Variants in PCDH15 observed in about 807,000 individuals in gnomAD.
The protein encoded by PCDH15 is protocadherin-15.
PCDH15 carries 129 observed loss-of-function variants against 178.5 expected under a neutral mutation model. That is an observed-to-expected ratio of 0.72 (90% CI 0.63 to 0.84). The LOEUF (loss-of-function observed/expected upper bound fraction) is 0.84. Ranked by LOEUF, PCDH15 falls within the 40% of genes least tolerant of loss-of-function variation. The probability of loss-of-function intolerance (pLI) is 0.00; values close to 1 mark genes in which losing one functional copy is unlikely to be tolerated. For missense variants in PCDH15, 2,230 were observed against 2,099.9 expected (o/e 1.06, Z -1.21); for synonymous variants, 800 against 732.0 (o/e 1.09, Z -1.50).
intron 2 of PCDH15, among the ~76,000 whole-genome samples, chr10:55,022,097 T>C (rs543745433): frequency 6.6e-6 from 1 of 152,188 alleles, no homozygotes; most frequent in Non-Finnish European, 1.5e-5. Flanking sequence ...ATAGGAGGAA[T>C]AATTTTCAAA....
At chr10:55,105,539 A>G (rs953940139) in intron 2 of PCDH15, among the ~76,000 whole-genome samples, 2 of 152,072 alleles carry the variant, frequency 1.3e-5, no homozygotes, top group Non-Finnish European at 2.9e-5. Flanking sequence ...TAAGCCCGAT[A>G]TTTTACGTTT....
intron 2 of PCDH15, among the ~76,000 whole-genome samples, chr10:55,395,859 CAT>C (rs1837915351): frequency 6.6e-6 from 1 of 151,694 alleles, no homozygotes; most frequent in African/African-American, 2.4e-5. Context: ...AAAAACCAAA[CAT>C]AAAATATAAA....
At chr10:55,294,322 T>G (rs762089337) in intron 1 of PCDH15, among the ~76,000 whole-genome samples, 12 of 152,218 alleles carry the variant, frequency 7.9e-5, no homozygotes, top group Non-Finnish European at 1.8e-4. Context: ...TCAATTCTTA[T>G]TAATGCTCTG....
chr10:53,966,826 T>C (rs1333534649), intron 21 of PCDH15, among the ~76,000 whole-genome samples: 1 of 151,516 alleles, frequency 6.6e-6, no homozygotes, highest in Non-Finnish European at 1.5e-5. Flanking sequence ...TAAAATAATA[T>C]AGTAAATGAG....
chr10:54,989,387 T>G (rs1591822235), intron 2 of PCDH15, among the ~76,000 whole-genome samples: 1 of 152,158 alleles, frequency 6.6e-6, no homozygotes, highest in South Asian at 2.1e-4. Context: ...ACTGTGTGCC[T>G]GGAAAAACCA....
intron 1 of PCDH15, among the ~76,000 whole-genome samples, chr10:55,262,971 C>A (rs529451521): frequency 7.9e-5 from 12 of 152,272 alleles, no homozygotes; most frequent in Non-Finnish European, 7.3e-5. Flanking sequence ...CCACAGCCTG[C>A]CCATCTGCAT....
intron 26 of PCDH15, among the ~76,000 whole-genome samples, chr10:53,879,597 GC>G (rs1378261831): frequency 2.6e-5 from 4 of 152,068 alleles, no homozygotes; most frequent in Non-Finnish European, 2.9e-5. Flanking sequence ...TTAAGTATAG[GC>G]ATTTTTGGTA....
At chr10:55,026,284 A>T (rs991343345) in intron 2 of PCDH15, among the ~76,000 whole-genome samples, 6 of 152,016 alleles carry the variant, frequency 3.9e-5, no homozygotes, top group Non-Finnish European at 7.4e-5. Flanking sequence ...TTAGGTACCA[A>T]TATTTATCAA....
chr10:54,800,137 C>G lies in PCDH15; in HGVS notation c.-29+788G>C, dbSNP rs1458514766. On this transcript the variant is annotated intron_variant, in intron 1 of 37. Transcript: ENST00000644397. ...CATACGTGCTACAAGTCCATCAAATCGATGGCCATCTGTGTGTACTAGAGA... is the reference window on the plus strand; with the variant it reads ...CATACGTGCTACAAGTCCATCAAATGGATGGCCATCTGTGTGTACTAGAGA... Among the ~76,000 whole-genome samples, 3 of 152,090 alleles carry G rather than the reference C, an allele frequency of 2.0e-5. No individual in the cohort carries two copies. The East Asian group carries it at 5.8e-4, about 29-fold the overall frequency.
At chr10:54,905,522 T>A (rs1351919030) in intron 2 of PCDH15, among the ~76,000 whole-genome samples, 1 of 152,142 alleles carries the variant, frequency 6.6e-6, no homozygotes, top group African/African-American at 2.4e-5. Flanking sequence ...AATTATTTGA[T>A]CTCTTTATCA....
At chr10:55,532,238 T>C (rs1230956233) in intron 2 of PCDH15, among the ~76,000 whole-genome samples, 3 of 152,012 alleles carry the variant, frequency 2.0e-5, no homozygotes, top group Non-Finnish European at 4.4e-5. Context: ...CGGGAAACAG[T>C]CTCTTGAGGG....
chr10:54,140,981 C>A, intron 14 of PCDH15, among the ~76,000 whole-genome samples: 1 of 152,010 alleles, frequency 6.6e-6, no homozygotes, highest in East Asian at 1.9e-4. Context: ...CATGCCTGAC[C>A]TATTTTTGCT....
chr10:55,060,825 G>A (rs1841410841), intron 2 of PCDH15, among the ~76,000 whole-genome samples: 1 of 151,912 alleles, frequency 6.6e-6, no homozygotes, highest in Non-Finnish European at 1.5e-5. Flanking sequence ...ATGAAGAAGT[G>A]ATAGCCATTT....
intron 1 of PCDH15, among the ~76,000 whole-genome samples, chr10:55,296,794 T>C (rs1843143608): frequency 6.6e-6 from 1 of 152,110 alleles, no homozygotes; most frequent in Non-Finnish European, 1.5e-5. Flanking sequence ...GACAAACACA[T>C]TGTCACATCA....
chr10:54,363,795 T>C (rs981156621), intron 5 of PCDH15, among the ~76,000 whole-genome samples: 1 of 152,212 alleles, frequency 6.6e-6, no homozygotes, highest in Non-Finnish European at 1.5e-5. Context: ...ATTCAAAGTG[T>C]AATTGAACTT....
intron 5 of PCDH15, among the ~76,000 whole-genome samples, chr10:54,367,938 G>C (rs1018221959): frequency 1.3e-5 from 2 of 151,536 alleles, no homozygotes; most frequent in African/African-American, 4.8e-5. Flanking sequence ...CAAAGCAAAT[G>C]TAACTCAAAG....
intron 2 of PCDH15, among the ~76,000 whole-genome samples, chr10:54,656,882 G>A (rs2094415652): frequency 6.6e-6 from 1 of 152,174 alleles, no homozygotes; most frequent in Admixed American, 6.5e-5. Flanking sequence ...ATCTACTCTT[G>A]CAGACACAGC....
intron 5 of PCDH15, among the ~76,000 whole-genome samples, chr10:54,352,745 T>C (rs995204382): frequency 6.6e-6 from 1 of 152,152 alleles, no homozygotes; most frequent in Non-Finnish European, 1.5e-5. Flanking sequence ...TTTATAGTAT[T>C]AGGCAGCCAC....
chr10:54,848,241 G>C (rs1164813880), intron 3 of PCDH15, among the ~76,000 whole-genome samples: 1 of 151,952 alleles, frequency 6.6e-6, no homozygotes, highest in Non-Finnish European at 1.5e-5. Context: ...AAATTAGCTG[G>C]GCATGGTGGC....
Sources: gnomAD v4.1 joint callset for allele counts (sites outside exome capture counted in the v4.1 genomes callset) on GRCh38, gnomAD v4.1.1 for gene constraint, MANE v1.5 for transcripts, NCBI Gene and HGNC (gene_info 2026-07-23, HGNC 2026-07-21) for gene names.